The following RPS6KA3 variants were observed in gnomAD, a reference collection of about 807,000 sequenced individuals.
RPS6KA3 encodes ribosomal protein S6 kinase A3.
Under a neutral mutation model 67.2 loss-of-function variants are expected in RPS6KA3, and 4 were observed. The observed-to-expected ratio is 0.06, with a 90% CI of 0.03 to 0.14. The LOEUF (loss-of-function observed/expected upper bound fraction) is 0.14. Among genes scored for constraint, RPS6KA3 ranks in the 10% least tolerant of loss-of-function variants. The pLI is 1.00. For missense variants in RPS6KA3, 204 were observed against 559.0 expected, an observed-to-expected ratio of 0.36 and a Z score of 6.40; for synonymous variants, 182 against 183.7, an observed-to-expected ratio of 0.99 and a Z score of 0.07.
At chrX:20,173,262 G>GA (rs2067616233) in intron 14 of RPS6KA3, among the ~76,000 whole-genome samples, 2 of 111,868 alleles carry the variant, frequency 1.8e-5, no homozygotes, top group Non-Finnish European at 3.8e-5. Context: ...GATTTAGGAG[G>GA]ATTCAGAATT....
Position 20,152,900 on chromosome X carries a change from CTG to C in RPS6KA3, c.*2496_*2497del, listed in dbSNP as rs2067126529. 2 of 111,399 alleles carry C rather than the reference CTG, an allele frequency of 1.8e-5. No individual in the cohort carries two copies. The highest frequency in any genetic ancestry group is 3.3e-5 in the African/African-American group (1 of 30,591). The allele number at this position is 111,399 out of a possible 1,213,427, so 9.2% of individuals were successfully genotyped here. ...AATATGTAGTTTTTGAACTCAGCTACTGGTTGGTGATCATATGAGGGAAAGGC... is the reference window on the plus strand; with the variant it reads ...AATATGTAGTTTTTGAACTCAGCTACGTTGGTGATCATATGAGGGAAAGGC... On this transcript the variant is annotated 3_prime_UTR_variant, in exon 22 of 22. Coordinates refer to ENST00000379565, the MANE Select transcript of RPS6KA3 (RefSeq NM_004586.3).
intron 1 of RPS6KA3, among the ~76,000 whole-genome samples, chrX:20,256,562 T>C (rs1260099899): frequency 3.6e-5 from 4 of 112,179 alleles, no homozygotes; most frequent in African/African-American, 1.3e-4. Flanking sequence ...CATTTTGTTT[T>C]ATTTGTAAGA....
chrX:20,208,742 G>A (rs780180398), intron 3 of RPS6KA3, among the ~76,000 whole-genome samples: 27 of 111,482 alleles, frequency 2.4e-4, no homozygotes, highest in African/African-American at 7.8e-4. Context: ...TTCCTTGGTG[G>A]CTTTGGGAAA....
At chrX:20,191,043 C>G (rs1170397609) in intron 7 of RPS6KA3, among the ~76,000 whole-genome samples, 1 of 110,320 alleles carries the variant, frequency 9.1e-6, no homozygotes, top group Non-Finnish European at 1.9e-5. Context: ...CTGACAGGCC[C>G]CGGTGTGTGG....
intron 1 of RPS6KA3, chrX:20,265,781 G>A (rs1276947961): frequency 1.8e-5 from 2 of 110,241 alleles, no homozygotes; most frequent in African/African-American, 6.6e-5. Flanking sequence ...TATTGTTTGG[G>A]TTTTGGGCAC....
chrX:20,234,445 A>G (rs1372572572), intron 2 of RPS6KA3, among the ~76,000 whole-genome samples: 1 of 112,268 alleles, frequency 8.9e-6, no homozygotes, highest in Non-Finnish European at 1.9e-5. Context: ...ATTGCACTCC[A>G]GCCTGGGCGA....
At chrX:20,229,436 G>C (rs1181349325) in intron 2 of RPS6KA3, among the ~76,000 whole-genome samples, 1 of 111,836 alleles carries the variant, frequency 8.9e-6, no homozygotes, top group African/African-American at 3.3e-5. Context: ...TCAAGTTTCA[G>C]ATGAAACTCT....
rs1163475798 is a variant in RPS6KA3, at chrX:20,266,576, G to T, written c.57C>A (p.Ser19=). The part of the protein sequence containing the change: ...PWQKMAVESP[S]DSAENGQQIM... ...CTGCTGCACTCACCTCAGCGCTGTC[G>T]GACGGGCTCTCCACAGCCATCTTCT... The change falls in exon 1 of 22, where the codon TCC becomes TCA. Residue 19 remains serine (S), a synonymous_variant. Coordinates refer to ENST00000379565, the MANE Select transcript of RPS6KA3 (RefSeq NM_004586.3). 10 of 1,151,188 alleles carry T rather than the reference G, an allele frequency of 8.7e-6. No individual in the cohort carries two copies. Among genetic ancestry groups the T allele is most frequent in the Non-Finnish European group, 1.0e-5 (9 of 867,699 alleles). 94.9% of individuals were successfully genotyped at this position (1,151,188 alleles called of 1,213,427 possible).
intron 18 of RPS6KA3, among the ~76,000 whole-genome samples, chrX:20,164,591 C>T (rs1357833408): frequency 9.1e-6 from 1 of 109,539 alleles, no homozygotes; most frequent in African/African-American, 3.3e-5. Context: ...CACTATGTTG[C>T]CCAGGCTGGT....
chrX:20,262,115 T>G (rs1043863874), intron 1 of RPS6KA3, among the ~76,000 whole-genome samples: 2 of 111,776 alleles, frequency 1.8e-5, no homozygotes, highest in African/African-American at 6.5e-5. Flanking sequence ...TCTGAACCGT[T>G]GGGTCTAAAG....
At chrX:20,157,236 T>A (rs1163408570) in intron 20 of RPS6KA3, among the ~76,000 whole-genome samples, 1 of 112,266 alleles carries the variant, frequency 8.9e-6, no homozygotes, top group African/African-American at 3.2e-5. Flanking sequence ...AATACATTTG[T>A]TAAGTATCCA....
At chrX:20,163,073 C>A (rs763091877) in intron 18 of RPS6KA3, 33 bp from the exon 19 acceptor site, 12 of 876,008 alleles carry the variant, frequency 1.4e-5, no homozygotes, top group Non-Finnish European at 2.0e-5. Context: ...ATTACTATAC[C>A]ACCATTTTGT....
chrX:20,158,491 C>A (rs189419211), intron 20 of RPS6KA3, among the ~76,000 whole-genome samples: 7 of 109,422 alleles, frequency 6.4e-5, no homozygotes, highest in Non-Finnish European at 1.1e-4. Flanking sequence ...TCCAGGTACT[C>A]CTCTGCTATG....
rs762699516 is a variant in RPS6KA3 at position 20,160,593 on chromosome X, A to AT, written c.1959+1050dup. On this transcript the variant is annotated intron_variant, in intron 20 of 21. Transcript: ENST00000379565. The stretch of plus-strand genomic sequence containing the variant: ...AGGCACCTGCTACCACACCTGGCTA[A>AT]TTTTTTTGTATTTTCAGTAGAGTTG... 1.3e-3 allele frequency among the ~76,000 whole-genome samples: 138 copies of AT among 109,889 alleles called. 1 individual carries two copies. Among genetic ancestry groups the AT allele is most frequent in the African/African-American group, 3.6e-3 (110 of 30,185 alleles).
chrX:20,213,240 C>A (rs775813038), intron 2 of RPS6KA3, among the ~76,000 whole-genome samples: 1 of 111,807 alleles, frequency 8.9e-6, no homozygotes, highest in African/African-American at 3.2e-5. Flanking sequence ...GGCAGAATAG[C>A]TTATGGTGAA....
intron 1 of RPS6KA3, among the ~76,000 whole-genome samples, chrX:20,261,741 T>A (rs1009703738): frequency 2.7e-5 from 3 of 112,243 alleles, no homozygotes; most frequent in Non-Finnish European, 5.6e-5. Flanking sequence ...TAGTTTTTAC[T>A]GAACGATTAA....
At chrX:20,200,037 A>G (rs1372446448) in intron 4 of RPS6KA3, among the ~76,000 whole-genome samples, 1 of 112,328 alleles carries the variant, frequency 8.9e-6, no homozygotes, top group Non-Finnish European at 1.9e-5. Flanking sequence ...TTCCATCAAA[A>G]CTAAAAAGTA....
chrX:20,163,732 G>A (rs1410852322), intron 18 of RPS6KA3, among the ~76,000 whole-genome samples: 2 of 110,789 alleles, frequency 1.8e-5, no homozygotes, highest in Non-Finnish European at 3.8e-5. Flanking sequence ...GCAGTGGCGC[G>A]ATCTTGGCTC....
Position 20,161,679 on chromosome X carries a change from C to A in RPS6KA3, c.1924G>T (p.Gly642Cys). 8.6e-7 allele frequency: 1 copy of A among 1,166,241 alleles called. No homozygotes were observed. Among genetic ancestry groups the A allele is most frequent in the South Asian group, 1.8e-5 (1 of 54,651 alleles). ...TCTGAAACAGAATTCCAGTAACCAC[C>A]ACTGAGTGAGAATTTTCCGCTACCT... ...RIGSGKFSLS[G>C]GYWNSVSDTA... Residue 642 changes from glycine to cysteine, a missense_variant, in exon 20 of 22, where the codon GGT becomes TGT. This residue lies in a region of RPS6KA3 where 73 missense variants were observed against 241.1 expected (regional missense o/e 0.30). Coordinates refer to ENST00000379565, the MANE Select transcript of RPS6KA3 (RefSeq NM_004586.3).
Sources: allele counts gnomAD v4.1 joint callset (sites outside exome capture counted in the v4.1 genomes callset), GRCh38; gene constraint gnomAD v4.1.1; regional missense constraint gnomAD v4.1.1; transcripts MANE v1.5; gene names NCBI Gene and HGNC (gene_info 2026-07-23, HGNC 2026-07-21).